Variants in GRHL1 observed in about 807,000 individuals in gnomAD.
GRHL1 encodes the protein grainyhead-like protein 1 homolog.
Under a neutral mutation model 75.7 loss-of-function variants are expected in GRHL1, and 38 were observed. The ratio of observed to expected loss-of-function variants is 0.50; its 90% CI spans 0.39 to 0.66. The LOEUF is 0.66. GRHL1 is among the 30% of genes least tolerant of loss of function. GRHL1 has a pLI of 0.00. For missense variants in GRHL1, 589 were observed against 767.5 expected (o/e 0.77, Z 2.75); for synonymous variants, 266 against 279.4 (o/e 0.95, Z 0.48).
chr2:9,970,242 T>C (rs1667667533), intron 8 of GRHL1, among the ~76,000 whole-genome samples: 1 of 152,254 alleles, frequency 6.6e-6, no homozygotes. Context: ...AGGTGAATTA[T>C]GTTGTAGCTT....
chr2:10,000,599 G>C lies in GRHL1; in HGVS notation c.1749G>C (p.Leu583=), dbSNP rs1232049517. 1.2e-6 allele frequency: 2 copies of C among 1,605,218 alleles called. No individual in the cohort carries two copies. The highest frequency in any genetic ancestry group is 1.7e-6 in the Non-Finnish European group (2 of 1,172,450). ...KIFKKCKKGI[L]VNMDDNIVKH... ...CTTGTCCCCCCCCATCCAGGATCCT[G>C]GTGAACATGGACGACAACATTGTGA... The change falls in exon 16 of 16, where the codon CTG becomes CTC. Residue 583 remains leucine (L), a synonymous_variant. Coordinates refer to ENST00000324907, the MANE Select transcript of GRHL1 (RefSeq NM_198182.3).
intron 1 of GRHL1, among the ~76,000 whole-genome samples, chr2:9,954,687 G>A (rs1333073196): frequency 4.6e-5 from 7 of 152,122 alleles, no homozygotes; most frequent in Non-Finnish European, 1.0e-4. Context: ...TGGGTTCCAC[G>A]TGTAGGTGAA....
At chr2:9,976,132 C>T (rs1264269097) in intron 8 of GRHL1, among the ~76,000 whole-genome samples, 3 of 152,032 alleles carry the variant, frequency 2.0e-5, no homozygotes, top group Non-Finnish European at 2.9e-5. Flanking sequence ...TTCTTATTGG[C>T]CAGGCACTGC....
intron 1 of GRHL1, among the ~76,000 whole-genome samples, chr2:9,954,386 G>T (rs940847000): frequency 1.3e-5 from 2 of 152,108 alleles, no homozygotes; most frequent in Non-Finnish European, 2.9e-5. Flanking sequence ...ATACCCTGGA[G>T]GATTGCGTGA....
intron 13 of GRHL1, 65 bp from the exon 14 acceptor site, chr2:9,996,251 C>A: frequency 8.6e-7 from 1 of 1,168,262 alleles, no homozygotes; most frequent in South Asian, 1.2e-5. Flanking sequence ...CTCTTTTGCT[C>A]ATGTGAACTG....
chr2:9,963,275 C>T (rs1011675199), intron 5 of GRHL1, among the ~76,000 whole-genome samples: 6 of 152,176 alleles, frequency 3.9e-5, no homozygotes, highest in African/African-American at 1.2e-4. Context: ...GCAACTACCC[C>T]GGTCTGCCAT....
Position 9,968,999 on chromosome 2 carries a change from C to T in GRHL1, c.1110+3618C>T, listed in dbSNP as rs961582154. 6.6e-6 allele frequency among the ~76,000 whole-genome samples: 1 copy of T among 152,158 alleles called. No individual in the cohort carries two copies. The highest frequency in any genetic ancestry group is 2.4e-5 in the African/African-American group (1 of 41,444). Reference sequence around the variant, plus strand: ...CCACTTTAAAAATGAACTTTGGGAACGCAATTTATAAATTGGGGCTATTTG... The same window carrying T: ...CCACTTTAAAAATGAACTTTGGGAATGCAATTTATAAATTGGGGCTATTTG... On this transcript the variant is annotated intron_variant, in intron 8 of 15. Transcript: ENST00000324907. This position sits in a 1 kb window ranked among gnomAD's most constrained non-coding sequence, Gnocchi z 4.7.
chr2:9,969,842 CTT>C (rs70948859), intron 8 of GRHL1, among the ~76,000 whole-genome samples: 6 of 129,508 alleles, frequency 4.6e-5, no homozygotes, highest in Admixed American at 8.0e-5. Flanking sequence ...AGTTAGCACA[CTT>C]TTTTTTTTTT....
At chr2:9,982,163 A>T (rs1171066074) in intron 8 of GRHL1, among the ~76,000 whole-genome samples, 1 of 152,204 alleles carries the variant, frequency 6.6e-6, no homozygotes, top group African/African-American at 2.4e-5. Flanking sequence ...CTCTGTAAAA[A>T]TTTTGTTTAA....
intron 2 of GRHL1, among the ~76,000 whole-genome samples, chr2:9,956,561 A>G (rs1281831009): frequency 6.6e-6 from 1 of 151,990 alleles, no homozygotes; most frequent in African/African-American, 2.4e-5. Flanking sequence ...TCCTAGTATG[A>G]GGCCATGCGT....
intron 8 of GRHL1, among the ~76,000 whole-genome samples, chr2:9,967,932 G>A (rs1429742997): frequency 6.6e-6 from 1 of 151,924 alleles, no homozygotes; most frequent in African/African-American, 2.4e-5. Context: ...TATTTATGTG[G>A]TATTTGTTAA....
At chr2:9,986,043 C>A in intron 8 of GRHL1, 81 bp from the exon 9 acceptor site, 2 of 898,372 alleles carry the variant, frequency 2.2e-6, no homozygotes, top group South Asian at 2.4e-5. Flanking sequence ...TGAGTAATTT[C>A]AGTGATGTTA....
At chr2:9,964,609 A>G (rs966399265) in intron 7 of GRHL1, 1 of 367,158 alleles carries the variant, frequency 2.7e-6, no homozygotes. Context: ...TAACCTGAGA[A>G]TGTCCCCACT....
At chr2:9,972,328 A>G (rs1024095451) in intron 8 of GRHL1, among the ~76,000 whole-genome samples, 5 of 151,488 alleles carry the variant, frequency 3.3e-5, no homozygotes, top group Non-Finnish European at 7.4e-5. Flanking sequence ...CTTCCTGGAA[A>G]TTCTGTCGGT....
chr2:9,975,631 G>A (rs1011496089), intron 8 of GRHL1, among the ~76,000 whole-genome samples: 3 of 151,850 alleles, frequency 2.0e-5, no homozygotes, highest in Admixed American at 6.6e-5. Flanking sequence ...TAATCCCAGC[G>A]CTTTGGGAGG....
At chr2:9,958,407 T>A (rs1572334494) in intron 2 of GRHL1, among the ~76,000 whole-genome samples, 1 of 152,232 alleles carries the variant, frequency 6.6e-6, no homozygotes, top group East Asian at 1.9e-4. Context: ...CTTGAACTCC[T>A]GGGCTCAAAC....
rs142065239 is a variant in GRHL1, at chr2:9,985,685, C to T, written c.1111-439C>T. ...TGTCATAAGTTCTAAAATATGAGGA[C>T]ACAGAGTACTACAGGTTATCCTAAG... On this transcript the variant is annotated intron_variant, in intron 8 of 15. Transcript: ENST00000324907. 3.0e-3 allele frequency among the ~76,000 whole-genome samples: 453 copies of T among 152,314 alleles called. 1 individual carries two copies. The highest frequency in any genetic ancestry group is 0.01 in the African/African-American group (433 of 41,574).
In GRHL1 at chr2:9,990,440, C is replaced by T. The variant is rs1477060100; in HGVS notation, c.1270-256C>T. On this transcript the variant is annotated intron_variant, in intron 9 of 15. Transcript: ENST00000324907. This position sits in a 1 kb window ranked among gnomAD's most constrained non-coding sequence, Gnocchi z 4.2. ...TGCTGGGATTACAGGCATGAGCTACCGCTTCCGGCCGGAATTTTGCTTTAT... is the reference window on the plus strand; with the variant it reads ...TGCTGGGATTACAGGCATGAGCTACTGCTTCCGGCCGGAATTTTGCTTTAT... Among the ~76,000 whole-genome samples the T allele has an allele frequency of 1.3e-5, 2 of 152,158 alleles. No individual in the cohort carries two copies. The highest frequency in any genetic ancestry group is 4.8e-5 in the African/African-American group (2 of 41,432).
chr2:10,000,297 T>C (rs923663695), intron 15 of GRHL1, among the ~76,000 whole-genome samples: 4 of 152,222 alleles, frequency 2.6e-5, no homozygotes, highest in Non-Finnish European at 4.4e-5. Context: ...AAGTGACAAC[T>C]ATGAAATACA....
Sources: allele counts gnomAD v4.1 joint callset (sites outside exome capture counted in the v4.1 genomes callset), GRCh38; gene constraint gnomAD v4.1.1; non-coding constraint Gnocchi (gnomAD v3.1); transcripts MANE v1.5; gene names NCBI Gene and HGNC (gene_info 2026-07-23, HGNC 2026-07-21).